The following SH3BGRL2 variants were observed in gnomAD, a reference collection of about 807,000 sequenced individuals.
SH3BGRL2 encodes SH3 domain binding glutamate rich protein like 2, also known as SH3 domain-binding glutamic acid-rich-like protein 2.
In SH3BGRL2, 21 loss-of-function variants were observed where a neutral mutation model predicts 14.8. The observed-to-expected ratio is 1.42, with a 90% CI of 1.01 to 2.05. The LOEUF (loss-of-function observed/expected upper bound fraction) is 2.05, where lower values mean the gene tolerates loss of function less well. Among genes scored for constraint, SH3BGRL2 ranks in the 30% most tolerant of loss-of-function variants. The pLI is 0.00. For synonymous variants in SH3BGRL2, 50 were observed against 47.8 expected, an observed-to-expected ratio of 1.05 and a Z score of -0.19; for missense variants, 147 against 130.8, an observed-to-expected ratio of 1.12 and a Z score of -0.61.
the SH3BGRL2 span, among the ~76,000 whole-genome samples, chr6:79,581,229 A>G: frequency 6.6e-6 from 1 of 152,224 alleles, no homozygotes; most frequent in Non-Finnish European, 1.5e-5. Context: ...AGCTGGTACC[A>G]TTCCTTCTGA....
chr6:79,676,701 G>A (rs1769892223), intron 2 of SH3BGRL2, among the ~76,000 whole-genome samples: 1 of 151,584 alleles, frequency 6.6e-6, no homozygotes, highest in Non-Finnish European at 1.5e-5. Context: ...AGAGAAAGGA[G>A]GTAGAGACGT....
the SH3BGRL2 span, among the ~76,000 whole-genome samples, chr6:79,569,938 G>C: frequency 6.6e-6 from 1 of 152,100 alleles, no homozygotes; most frequent in Non-Finnish European, 1.5e-5. Flanking sequence ...AAACTGTATA[G>C]AGTAAGACTG....
intron 1 of SH3BGRL2, among the ~76,000 whole-genome samples, chr6:79,638,628 C>G (rs188225983): frequency 6.6e-6 from 1 of 151,962 alleles, no homozygotes; most frequent in African/African-American, 2.4e-5. Context: ...GGGGCCTTTT[C>G]GATAATAGTC....
At chr6:79,546,785 G>A in the SH3BGRL2 span, among the ~76,000 whole-genome samples, 1 of 151,668 alleles carries the variant, frequency 6.6e-6, no homozygotes, top group Non-Finnish European at 1.5e-5. Context: ...CTCCGCCTGG[G>A]TTCACTGCCT....
upstream of SH3BGRL2, among the ~76,000 whole-genome samples, chr6:79,631,032 T>A (rs1768811222): frequency 6.6e-6 from 1 of 152,210 alleles, no homozygotes. Context: ...AACCCAAGCT[T>A]GGACTTTGAA....
chr6:79,679,889 C>T (rs552233166), intron 2 of SH3BGRL2, among the ~76,000 whole-genome samples: 48 of 152,100 alleles, frequency 3.2e-4, no homozygotes, highest in African/African-American at 1.1e-3. Context: ...TCTTGGAAGA[C>T]GTATCTATTC....
the SH3BGRL2 span, among the ~76,000 whole-genome samples, chr6:79,568,911 A>C: frequency 1.3e-5 from 2 of 152,108 alleles, no homozygotes; most frequent in Non-Finnish European, 2.9e-5. Flanking sequence ...GTTACTATGC[A>C]TAATATGTGT....
At chr6:79,576,575 T>C in the SH3BGRL2 span, among the ~76,000 whole-genome samples, 2 of 152,238 alleles carry the variant, frequency 1.3e-5, no homozygotes, top group Non-Finnish European at 2.9e-5. Context: ...AGATCTTATA[T>C]TTATCTGTGT....
chr6:79,662,246 G>T (rs149522096), intron 1 of SH3BGRL2, among the ~76,000 whole-genome samples: 1 of 152,250 alleles, frequency 6.6e-6, no homozygotes, highest in Admixed American at 6.5e-5. Flanking sequence ...AGCATCGATG[G>T]TCTTTACAAT....
the SH3BGRL2 span, among the ~76,000 whole-genome samples, chr6:79,552,021 TG>T: frequency 6.6e-5 from 10 of 152,184 alleles, no homozygotes; most frequent in South Asian, 4.2e-4. Flanking sequence ...ACCCAGGAGT[TG>T]GAAGTTGCAG....
intron 1 of SH3BGRL2, among the ~76,000 whole-genome samples, chr6:79,643,678 G>T (rs1769074475): frequency 6.6e-6 from 1 of 152,120 alleles, no homozygotes; most frequent in Admixed American, 6.6e-5. Flanking sequence ...TAATTACCCT[G>T]CCCCCTCACA....
chr6:79,698,137 T>G (rs1770371303), intron 3 of SH3BGRL2, among the ~76,000 whole-genome samples: 1 of 152,024 alleles, frequency 6.6e-6, no homozygotes, highest in African/African-American at 2.4e-5. Context: ...CAGCCCACCG[T>G]TTTCAGGGAC....
upstream of SH3BGRL2, among the ~76,000 whole-genome samples, chr6:79,626,704 G>A (rs764219811): frequency 2.6e-5 from 4 of 152,076 alleles, no homozygotes; most frequent in South Asian, 4.1e-4. Flanking sequence ...TACTGGGCTC[G>A]GTTTTTAAAA....
intron 1 of SH3BGRL2, among the ~76,000 whole-genome samples, chr6:79,648,266 AT>A (rs1380506979): frequency 1.6e-5 from 2 of 124,340 alleles, no homozygotes; most frequent in East Asian, 2.3e-4. Flanking sequence ...ATATATATAT[AT>A]ATATATATAT....
At chr6:79,593,013 A>C in the SH3BGRL2 span, among the ~76,000 whole-genome samples, 1 of 152,148 alleles carries the variant, frequency 6.6e-6, no homozygotes, top group East Asian at 1.9e-4. Flanking sequence ...CAAATAGGTG[A>C]ATTTAAACCC....
intron 2 of SH3BGRL2, among the ~76,000 whole-genome samples, chr6:79,694,442 A>C (rs1263713023): frequency 2.0e-5 from 3 of 152,352 alleles, no homozygotes; most frequent in African/African-American, 7.2e-5. Context: ...TAACATTTTC[A>C]GTCCATGAGA....
chr6:79,599,029 C>A, the SH3BGRL2 span, among the ~76,000 whole-genome samples: 3,664 of 142,916 alleles, frequency 0.026, 61 homozygotes, highest in Middle Eastern at 0.081. Flanking sequence ...TGCAGTGAGC[C>A]AAGATTGCGC....
At chr6:79,659,039 C>T (rs907941302) in intron 1 of SH3BGRL2, among the ~76,000 whole-genome samples, 20 of 152,184 alleles carry the variant, frequency 1.3e-4, no homozygotes, top group African/African-American at 3.1e-4. Context: ...TGGATATTAG[C>T]GCTTTGTCAG....
At chr6:79,580,466 G>A in the SH3BGRL2 span, among the ~76,000 whole-genome samples, 1 of 152,066 alleles carries the variant, frequency 6.6e-6, no homozygotes, top group Non-Finnish European at 1.5e-5. Flanking sequence ...AGCAATCAAA[G>A]TAGAACTCAG....
Sources: allele counts gnomAD v4.1 joint callset (sites outside exome capture counted in the v4.1 genomes callset), GRCh38; gene constraint gnomAD v4.1.1; transcripts MANE v1.5; gene names NCBI Gene and HGNC (gene_info 2026-07-23, HGNC 2026-07-21).